Variants in RANBP2 observed in about 807,000 individuals in gnomAD.
RANBP2 encodes RAN binding protein 2, also known as E3 SUMO-protein ligase RanBP2.
In RANBP2, 57 loss-of-function variants were observed where a neutral mutation model predicts 303.6. That is an observed-to-expected ratio of 0.19 (90% CI 0.15 to 0.23). RANBP2 has a LOEUF of 0.23. Ranked by LOEUF, RANBP2 falls within the 10% of genes least tolerant of loss-of-function variation. RANBP2 has a pLI of 1.00. For missense variants in RANBP2, 3,138 were observed against 3,780.8 expected, an observed-to-expected ratio of 0.83 and a Z score of 4.46; for synonymous variants, 1,167 against 1,301.5, an observed-to-expected ratio of 0.90 and a Z score of 2.23.
At chr2:109,357,039 A>T in the RANBP2 span, among the ~76,000 whole-genome samples, 2 of 152,048 alleles carry the variant, frequency 1.3e-5, no homozygotes, top group Non-Finnish European at 1.5e-5. Context: ...TCCATACTGG[A>T]TAGACTGTTA....
At chr2:108,907,340 G>A in the RANBP2 span, among the ~76,000 whole-genome samples, 1 of 152,082 alleles carries the variant, frequency 6.6e-6, no homozygotes, top group Non-Finnish European at 1.5e-5. Flanking sequence ...TTTTGTGTAT[G>A]AAGCTATATA....
the RANBP2 span, among the ~76,000 whole-genome samples, chr2:109,524,555 G>A: frequency 2.0e-5 from 3 of 151,310 alleles, no homozygotes; most frequent in East Asian, 2.0e-4. Context: ...CTAGGAGTTC[G>A]AGACCAGCCT....
At chr2:108,839,951 TAGG>T in the RANBP2 span, among the ~76,000 whole-genome samples, 1 of 152,056 alleles carries the variant, frequency 6.6e-6, no homozygotes, top group Non-Finnish European at 1.5e-5. Flanking sequence ...TTTCTCCTCT[TAGG>T]AGGAAAATTC....
chr2:109,620,235 C>T, the RANBP2 span, among the ~76,000 whole-genome samples: 1 of 152,172 alleles, frequency 6.6e-6, no homozygotes, highest in Non-Finnish European at 1.5e-5. Flanking sequence ...TACATGCATT[C>T]ATGCTATGTG....
At chr2:109,490,899 G>A in the RANBP2 span, 1 of 1,523,448 alleles carries the variant, frequency 6.6e-7, no homozygotes, top group Non-Finnish European at 8.8e-7. Context: ...GTCCATGGCT[G>A]CCATCCGCCC....
At chr2:108,838,397 G>A in the RANBP2 span, among the ~76,000 whole-genome samples, 1 of 152,114 alleles carries the variant, frequency 6.6e-6, no homozygotes, top group Non-Finnish European at 1.5e-5. Context: ...TTATACAGTT[G>A]ACATAACCAT....
At chr2:109,524,444 C>CAA in the RANBP2 span, among the ~76,000 whole-genome samples, 265 of 84,288 alleles carry the variant, frequency 3.1e-3, 1 homozygote, top group African/African-American at 0.015. Flanking sequence ...GACCCTGTCT[C>CAA]AAAAAAAAAA....
At chr2:109,266,085 G>A in the RANBP2 span, among the ~76,000 whole-genome samples, 3 of 151,972 alleles carry the variant, frequency 2.0e-5, no homozygotes, top group East Asian at 3.9e-4. Context: ...TATGGTATGT[G>A]TGTTGTGCGT....
chr2:109,344,516 C>T, the RANBP2 span, among the ~76,000 whole-genome samples: 1 of 152,224 alleles, frequency 6.6e-6, no homozygotes, highest in South Asian at 2.1e-4. Context: ...CTCGGATCCC[C>T]TGAGGTCATC....
At chr2:108,974,329 CAAAAAAAA>C in the RANBP2 span, among the ~76,000 whole-genome samples, 264 of 61,558 alleles carry the variant, frequency 4.3e-3, no homozygotes, top group African/African-American at 0.016. Flanking sequence ...GGATCCGTCT[CAAAAAAAA>C]AAAAAAAAAA....
the RANBP2 span, among the ~76,000 whole-genome samples, chr2:109,357,315 G>A: frequency 2.6e-5 from 4 of 151,946 alleles, no homozygotes; most frequent in Non-Finnish European, 5.9e-5. Context: ...CCGAGTAGCT[G>A]GGACTACAGG....
the RANBP2 span, among the ~76,000 whole-genome samples, chr2:108,914,603 G>A: frequency 6.6e-6 from 1 of 152,300 alleles, no homozygotes; most frequent in East Asian, 1.9e-4. Context: ...AAGAGACCAC[G>A]TCCTGTTCCA....
the RANBP2 span, among the ~76,000 whole-genome samples, chr2:109,103,585 G>A: frequency 6.6e-6 from 1 of 152,132 alleles, no homozygotes; most frequent in Non-Finnish European, 1.5e-5. Context: ...AGAAATGCTT[G>A]GGGTTAAGAT....
At chr2:108,773,369 C>G (rs1210294453) in intron 23 of RANBP2, among the ~76,000 whole-genome samples, 3 of 151,988 alleles carry the variant, frequency 2.0e-5, no homozygotes, top group Non-Finnish European at 4.4e-5. Context: ...TGCGCCTGAC[C>G]TAGAATGTTC....
the RANBP2 span, among the ~76,000 whole-genome samples, chr2:109,039,509 C>G: frequency 0.039 from 5,906 of 152,244 alleles, 384 homozygotes; most frequent in African/African-American, 0.13. Context: ...TGCCACCACG[C>G]ACAGCTAATT....
At chr2:109,318,877 A>G in the RANBP2 span, among the ~76,000 whole-genome samples, 2 of 152,286 alleles carry the variant, frequency 1.3e-5, no homozygotes, top group Non-Finnish European at 2.9e-5. Flanking sequence ...AACCAAAGCC[A>G]GCTGGAATTC....
chr2:108,843,118 A>G, the RANBP2 span, among the ~76,000 whole-genome samples: 11,031 of 151,388 alleles, frequency 0.073, 517 homozygotes, highest in South Asian at 0.15. Flanking sequence ...TATCCTATCT[A>G]TCTGTTTAGA....
chr2:109,229,322 T>TTACAACAGAGG, the RANBP2 span, among the ~76,000 whole-genome samples: 1 of 152,242 alleles, frequency 6.6e-6, no homozygotes, highest in African/African-American at 2.4e-5. Context: ...TGTTAACACC[T>TTACAACAGAGG]TACATTAGCA....
the RANBP2 span, among the ~76,000 whole-genome samples, chr2:109,334,287 A>T: frequency 0.12 from 18,768 of 150,522 alleles, 1,320 homozygotes; most frequent in East Asian, 0.24. Context: ...GAGCCCAGGA[A>T]GTCAAGGCTT....
Sources: gnomAD v4.1 joint callset for allele counts (sites outside exome capture counted in the v4.1 genomes callset) on GRCh38, gnomAD v4.1.1 for gene constraint, MANE v1.5 for transcripts, NCBI Gene and HGNC (gene_info 2026-07-23, HGNC 2026-07-21) for gene names.